The following ST7 variants were observed in gnomAD, a reference collection of about 807,000 sequenced individuals.
ST7 encodes suppressor of tumorigenicity 7 protein.
ST7 carries 28 observed loss-of-function variants against 78.7 expected under a neutral mutation model. The observed-to-expected ratio is 0.36, with a 90% CI of 0.26 to 0.49. ST7 has a LOEUF of 0.49. Among genes scored for constraint, ST7 ranks in the 20% least tolerant of loss-of-function variants. ST7 has a pLI of 0.99. For synonymous variants in ST7, 247 were observed against 249.6 expected (o/e 0.99, Z 0.10); for missense variants, 418 against 696.0 (o/e 0.60, Z 4.49).
At chr7:117,212,450 G>A (rs1792370833) in intron 13 of ST7, among the ~76,000 whole-genome samples, 1 of 152,128 alleles carries the variant, frequency 6.6e-6, no homozygotes, top group Non-Finnish European at 1.5e-5. Flanking sequence ...GCCCACAATT[G>A]AAATTTACAT....
rs150059608 is a variant in ST7, at chr7:117,015,996, A to T, written c.151+62305A>T. On this transcript the variant is annotated intron_variant, in intron 1 of 15. Transcript: ENST00000323984. Reference sequence around the variant, plus strand: ...GATCTTTGGCAAGACAGTTAATTACAGTGTGCAAATAAAAGTTTTGTGAAA... The same window carrying T: ...GATCTTTGGCAAGACAGTTAATTACTGTGTGCAAATAAAAGTTTTGTGAAA... 1.6e-4 allele frequency among the ~76,000 whole-genome samples: 24 copies of T among 152,308 alleles called. No individual in the cohort carries two copies. The East Asian group carries it at 4.2e-3, about 27-fold the overall frequency.
In ST7 at chr7:117,139,702, G is replaced by T. The variant is rs185624391; in HGVS notation, c.963+1170G>T. Among the ~76,000 whole-genome samples the T allele has an allele frequency of 1.4e-3, 212 of 152,246 alleles. 1 individual carries two copies. The highest frequency in any genetic ancestry group is 1.5e-4 in the Non-Finnish European group (10 of 68,014). On this transcript the variant is annotated intron_variant, in intron 9 of 15. Coordinates refer to ENST00000323984, the MANE Select transcript of ST7 (RefSeq NM_001369598.1). ...ATAAAGTATTTCTCTTTGACTGCAGGTGATAGATGCTCTCTAGGAAAGAGA... is the reference window on the plus strand; with the variant it reads ...ATAAAGTATTTCTCTTTGACTGCAGTTGATAGATGCTCTCTAGGAAAGAGA...
chr7:117,050,941 A>G (rs905274953), intron 1 of ST7, among the ~76,000 whole-genome samples: 4 of 152,028 alleles, frequency 2.6e-5, no homozygotes, highest in African/African-American at 4.8e-5. Context: ...AAAAAAAAAA[A>G]AAAAGAAAAG....
intron 1 of ST7, among the ~76,000 whole-genome samples, chr7:116,960,112 T>C (rs778815673): frequency 6.6e-6 from 1 of 152,164 alleles, no homozygotes; most frequent in Non-Finnish European, 1.5e-5. Context: ...GGCTCTTTCT[T>C]ACCCCTCAAA....
chr7:117,216,202 G>T (rs545287869), intron 13 of ST7, among the ~76,000 whole-genome samples: 2 of 152,250 alleles, frequency 1.3e-5, no homozygotes, highest in South Asian at 4.2e-4. Flanking sequence ...GATTGTGAAG[G>T]CATGATCTGT....
chr7:117,053,041 A>G (rs1797870483), intron 1 of ST7, among the ~76,000 whole-genome samples: 1 of 152,356 alleles, frequency 6.6e-6, no homozygotes, highest in East Asian at 1.9e-4. Flanking sequence ...ACAACATTTT[A>G]AATGGCTATA....
chr7:117,014,175 A>T (rs141853709), intron 1 of ST7, among the ~76,000 whole-genome samples: 8 of 152,336 alleles, frequency 5.3e-5, no homozygotes, highest in Middle Eastern at 3.4e-3. Context: ...AAAAAAAGAT[A>T]AAAAAAGTAA....
chr7:117,107,453 T>C (rs1429756173), intron 2 of ST7, among the ~76,000 whole-genome samples: 2 of 152,080 alleles, frequency 1.3e-5, no homozygotes, highest in Admixed American at 1.3e-4. Flanking sequence ...TTTATTATGG[T>C]CATTCTTGCA....
In ST7 at chr7:117,162,727, GA is replaced by G. The variant is rs568292443; in HGVS notation, c.964-8134del. Among the ~76,000 whole-genome samples, 193 of 152,180 alleles carry G rather than the reference GA, an allele frequency of 1.3e-3. 1 individual carries two copies. Among genetic ancestry groups the G allele is most frequent in the African/African-American group, 4.5e-3 (187 of 41,550 alleles). On this transcript the variant is annotated intron_variant, in intron 9 of 15. Transcript: ENST00000323984. Reference sequence around the variant, plus strand: ...ATCATTATGAAACTTCTTTTATGAAGATATTTTGGCTTTTACATCTTATTCC... The same window carrying G: ...ATCATTATGAAACTTCTTTTATGAAGTATTTTGGCTTTTACATCTTATTCC...
chr7:117,113,003 A>G (rs984364392), intron 2 of ST7, among the ~76,000 whole-genome samples: 2 of 152,222 alleles, frequency 1.3e-5, no homozygotes, highest in African/African-American at 4.8e-5. Context: ...ATTTGGGTAG[A>G]ACAGATTAAT....
intron 1 of ST7, among the ~76,000 whole-genome samples, chr7:116,996,348 A>AT (rs898342706): frequency 2.6e-5 from 4 of 152,138 alleles, no homozygotes; most frequent in African/African-American, 9.7e-5. Context: ...AAGTGCTGGG[A>AT]TTACAGGCGT....
intron 1 of ST7, among the ~76,000 whole-genome samples, chr7:117,018,230 T>C (rs968833076): frequency 6.6e-6 from 1 of 152,150 alleles, no homozygotes; most frequent in Non-Finnish European, 1.5e-5. Flanking sequence ...ATCCACTATT[T>C]GAGTGACTAT....
intron 13 of ST7, among the ~76,000 whole-genome samples, chr7:117,213,129 C>T (rs1047488848): frequency 2.6e-5 from 4 of 152,214 alleles, no homozygotes; most frequent in Admixed American, 6.5e-5. Context: ...CTCTCAGGTC[C>T]GCTGGCCATG....
At chr7:117,136,321 A>G (rs1804788543) in intron 8 of ST7, 86 bp downstream of exon 8, 1 of 1,506,770 alleles carries the variant, frequency 6.6e-7, no homozygotes, top group Non-Finnish European at 9.2e-7. Flanking sequence ...AGTTCAAAAT[A>G]TGATTCTCCT....
chr7:117,135,475 A>G (rs1584438655), intron 7 of ST7, among the ~76,000 whole-genome samples: 1 of 152,096 alleles, frequency 6.6e-6, no homozygotes, highest in African/African-American at 2.4e-5. Flanking sequence ...GCAGAAAGTC[A>G]GTGCTAACTG....
chr7:117,120,753 T>G (rs1380554669), intron 3 of ST7, among the ~76,000 whole-genome samples: 1 of 152,246 alleles, frequency 6.6e-6, no homozygotes. Flanking sequence ...ACATTGTAAT[T>G]TTTAAGGTAT....
intron 1 of ST7, among the ~76,000 whole-genome samples, chr7:117,028,830 A>G (rs1298466573): frequency 6.6e-6 from 1 of 152,160 alleles, no homozygotes; most frequent in African/African-American, 2.4e-5. Flanking sequence ...GGCATATACT[A>G]TCAGTTGAGG....
At chr7:116,977,007 C>CTTTT in intron 1 of ST7, among the ~76,000 whole-genome samples, 1 of 152,186 alleles carries the variant, frequency 6.6e-6, no homozygotes, top group African/African-American at 2.4e-5. Flanking sequence ...AATAAGGAGG[C>CTTTT]TTTTTGTGAT....
chr7:117,176,831 G>A (rs1024838958), intron 10 of ST7, among the ~76,000 whole-genome samples: 1 of 152,148 alleles, frequency 6.6e-6, no homozygotes, highest in Non-Finnish European at 1.5e-5. Flanking sequence ...ACAGGCACAA[G>A]CAGCCTCTGA....
Sources: allele counts gnomAD v4.1 joint callset (sites outside exome capture counted in the v4.1 genomes callset), GRCh38; gene constraint gnomAD v4.1.1; transcripts MANE v1.5; gene names NCBI Gene and HGNC (gene_info 2026-07-23, HGNC 2026-07-21).